The following MICAL3 variants were observed in gnomAD, a reference collection of about 807,000 sequenced individuals.
The protein encoded by MICAL3 is microtubule associated monooxygenase, calponin and LIM domain containing 3.
A neutral mutation model predicts 207.4 loss-of-function variants in MICAL3; 62 were observed. The ratio of observed to expected loss-of-function variants is 0.30; its 90% CI spans 0.24 to 0.37. The LOEUF (loss-of-function observed/expected upper bound fraction) is 0.37. Ranked by LOEUF, MICAL3 falls within the 10% of genes least tolerant of loss-of-function variation. The probability of loss-of-function intolerance (pLI) is 1.00; values close to 1 mark genes in which losing one functional copy is unlikely to be tolerated. For synonymous variants in MICAL3, 1,077 were observed against 1,069.3 expected (o/e 1.01, Z -0.14); for missense variants, 2,368 against 2,635.6 (o/e 0.90, Z 2.22).
intron 1 of MICAL3, among the ~76,000 whole-genome samples, chr22:17,921,529 C>T (rs1269208046): frequency 1.3e-5 from 2 of 152,178 alleles, no homozygotes; most frequent in African/African-American, 4.8e-5. Context: ...TGCTCTGTTG[C>T]CCAGGCTGGA....
intron 1 of MICAL3, among the ~76,000 whole-genome samples, chr22:17,911,201 T>C (rs1469869270): frequency 6.6e-6 from 1 of 152,200 alleles, no homozygotes; most frequent in Non-Finnish European, 1.5e-5. Flanking sequence ...GACATGGTTA[T>C]GTTTCTATTT....
intron 1 of MICAL3, among the ~76,000 whole-genome samples, chr22:18,011,531 G>A (rs779928626): frequency 1.3e-4 from 19 of 151,566 alleles, no homozygotes; most frequent in Non-Finnish European, 2.2e-4. Flanking sequence ...TCACGCCATT[G>A]CACTCCAGCC....
At chr22:17,875,431 T>C in intron 16 of MICAL3, 1 of 1,519,404 alleles carries the variant, frequency 6.6e-7, no homozygotes, top group Non-Finnish European at 8.9e-7. Context: ...TTTTAGTGAG[T>C]CCTAGGCCAT....
rs1183775401 is a variant in MICAL3 at position 17,787,891 on chromosome 22, G to C, written c.*2841C>G. The C allele has an allele frequency of 2.0e-5, 3 of 152,270 alleles. No homozygotes were observed. Among genetic ancestry groups the C allele is most frequent in the Non-Finnish European group, 4.4e-5 (3 of 68,054 alleles). The allele number at this position is 152,270 out of a possible 1,614,324, so 9.4% of individuals were successfully genotyped here. On this transcript the variant is annotated 3_prime_UTR_variant, in exon 32 of 32. Coordinates refer to ENST00000441493, the MANE Select transcript of MICAL3 (RefSeq NM_015241.3). ...AGCCCACGGGGTGCAGCATCCTCAA[G>C]CCCAGGGGCGGGAGCGCCTCCGGCC... is the stretch of plus-strand genomic sequence containing the variant.
intron 20 of MICAL3, among the ~76,000 whole-genome samples, chr22:17,833,487 C>T (rs529751556): frequency 7.0e-4 from 107 of 152,292 alleles, no homozygotes; most frequent in African/African-American, 2.4e-3. Flanking sequence ...TGTGAGAGGG[C>T]GAACCAGTAA....
chr22:17,884,290 G>A, intron 16 of MICAL3: 1 of 1,590,114 alleles, frequency 6.3e-7, no homozygotes, highest in East Asian at 2.3e-5. Flanking sequence ...TCCACCGGGG[G>A]GTGGGGGCAG....
Position 17,955,972 on chromosome 22 carries a change from C to A in MICAL3, c.-74-49086G>T, listed in dbSNP as rs530060390. ...CAGATTTTTAGTCATAAACCAAAAT[C>A]TTCGACCATTAAACGGTGTTTATGA... On this transcript the variant is annotated intron_variant, in intron 1 of 31. Transcript: ENST00000441493. Among the ~76,000 whole-genome samples the A allele has an allele frequency of 3.3e-5, 5 of 152,342 alleles. No homozygotes were observed. The East Asian group carries it at 5.8e-4, about 18-fold the overall frequency.
rs1008918112 is a variant in MICAL3 at position 17,796,845 on chromosome 22, C to A, written c.5651-5544G>T. ...CACTACCACCTGGCCCTTGGCGCAC[C>A]CGAGCACCTCACTCCAGGCCCTGCC... On this transcript the variant is annotated intron_variant, in intron 29 of 31. Transcript: ENST00000441493. The surrounding 1 kb of genome is among the most constrained non-coding windows in gnomAD (Gnocchi z 4.4). Among the ~76,000 whole-genome samples, 4 of 152,194 alleles carry A rather than the reference C, an allele frequency of 2.6e-5. No individual in the cohort carries two copies. The highest frequency in any genetic ancestry group is 6.5e-5 in the Admixed American group (1 of 15,286).
At position 17,996,134 on chromosome 22, in the gene MICAL3, TAAAAAAAA is replaced by T. The variant is rs35369164; in HGVS notation, c.-75+28139_-75+28146del. 6.4e-5 allele frequency among the ~76,000 whole-genome samples: 6 copies of T among 93,602 alleles called. No individual in the cohort carries two copies. The East Asian group carries it at 1.5e-3, about 24-fold the overall frequency. 61.4% of individuals were successfully genotyped at this position (93,602 alleles called of 152,430 possible). On this transcript the variant is annotated intron_variant, in intron 1 of 31. Transcript: ENST00000441493. ...GGCAGAGTGAGATGCTGTCTCAATT[TAAAAAAAA>T]AAAAAAAAAAAAAAAGGCTGGGCAC...
rs146725657 is a variant in MICAL3, at chr22:17,968,037, G to A, written c.-75+56244C>T. 5.3e-4 allele frequency among the ~76,000 whole-genome samples: 76 copies of A among 143,350 alleles called. 2 individuals carry two copies. In the East Asian group the frequency reaches 0.012, roughly 22 times the overall value. 94.0% of individuals were successfully genotyped at this position (143,350 alleles called of 152,430 possible). Reference sequence around the variant, plus strand: ...AGCCTGGATGACAGAGTGAGACTCCGTCTCAAAAAAAAAAAAGAGTAAAAT... The same window carrying A: ...AGCCTGGATGACAGAGTGAGACTCCATCTCAAAAAAAAAAAAGAGTAAAAT... On this transcript the variant is annotated intron_variant, in intron 1 of 31. Transcript: ENST00000441493.
At chr22:17,950,223 G>A (rs1228156989) in intron 1 of MICAL3, among the ~76,000 whole-genome samples, 4 of 150,556 alleles carry the variant, frequency 2.7e-5, no homozygotes, top group East Asian at 1.9e-4. Flanking sequence ...ATGCAGTGGC[G>A]CTATCTTGGC....
chr22:17,808,317 C>A (rs2062008949), intron 29 of MICAL3, among the ~76,000 whole-genome samples: 1 of 152,256 alleles, frequency 6.6e-6, no homozygotes, highest in Non-Finnish European at 1.5e-5. Flanking sequence ...AGTGACCAGC[C>A]TTCAGCAGAC....
At chr22:17,932,999 T>C (rs1933344963) in intron 1 of MICAL3, among the ~76,000 whole-genome samples, 1 of 152,132 alleles carries the variant, frequency 6.6e-6, no homozygotes, top group African/African-American at 2.4e-5. Context: ...CAAAGAGACT[T>C]AGAATCCCAC....
intron 16 of MICAL3, among the ~76,000 whole-genome samples, chr22:17,878,083 G>A (rs1029958900): frequency 6.6e-6 from 1 of 151,854 alleles, no homozygotes; most frequent in African/African-American, 2.4e-5. Flanking sequence ...TCGATCTCCT[G>A]ACCTCGTGAT....
At chr22:18,014,159 T>A (rs866966894) in intron 1 of MICAL3, among the ~76,000 whole-genome samples, 23 of 151,904 alleles carry the variant, frequency 1.5e-4, no homozygotes, top group African/African-American at 3.9e-4. Context: ...TGGTTTCCTG[T>A]CTGTGGAAGT....
chr22:17,895,819 T>C (rs750029904), intron 9 of MICAL3, among the ~76,000 whole-genome samples: 1 of 152,198 alleles, frequency 6.6e-6, no homozygotes, highest in African/African-American at 2.4e-5. Context: ...AACTCCCAAT[T>C]TCATCTGGGA....
At chr22:17,889,732 G>A (rs1359006862) in intron 12 of MICAL3, among the ~76,000 whole-genome samples, 1 of 152,142 alleles carries the variant, frequency 6.6e-6, no homozygotes, top group Admixed American at 6.6e-5. Flanking sequence ...ACTTGAGCCC[G>A]CAAGTTCAAG....
chr22:18,020,615 A>G (rs1924406455), intron 1 of MICAL3, among the ~76,000 whole-genome samples: 1 of 140,846 alleles, frequency 7.1e-6, no homozygotes, highest in African/African-American at 2.8e-5. Flanking sequence ...TTAAAAAGTA[A>G]AAAAAAAAAA....
At position 17,858,516 on chromosome 22, in the gene MICAL3, G is replaced by T. The variant is rs570907495; in HGVS notation, c.2605+6383C>A. The T allele has an allele frequency of 3.3e-4, 326 of 981,858 alleles. 5 individuals are homozygous for T. In the South Asian group the frequency reaches 0.014, roughly 41 times the overall value. 60.8% of individuals were successfully genotyped at this position (981,858 alleles called of 1,614,324 possible). On this transcript the variant is annotated intron_variant, in intron 19 of 31. Transcript: ENST00000441493. Reference sequence around the variant, plus strand: ...TGCTGCCGTTCAGAGCTCCACATGGGTGTTTTTATCTCGGGGAGCACTTGT... The same window carrying T: ...TGCTGCCGTTCAGAGCTCCACATGGTTGTTTTTATCTCGGGGAGCACTTGT...
Sources: gnomAD v4.1 joint callset for allele counts (sites outside exome capture counted in the v4.1 genomes callset) on GRCh38, gnomAD v4.1.1 for gene constraint, Gnocchi (gnomAD v3.1) non-coding constraint, MANE v1.5 for transcripts, NCBI Gene and HGNC (gene_info 2026-07-23, HGNC 2026-07-21) for gene names.